STARD9: variants seen among roughly 807,000 people sequenced by gnomAD.
The protein encoded by STARD9 is stAR-related lipid transfer protein 9.
In STARD9, 346 loss-of-function variants were observed where a neutral mutation model predicts 399.8. The ratio of observed to expected loss-of-function variants is 0.87; its 90% CI spans 0.79 to 0.95. STARD9 has a LOEUF of 0.95. STARD9 is among the 40% of genes least tolerant of loss of function. STARD9 has a pLI of 0.00. For missense variants in STARD9, 5,832 were observed against 5,667.5 expected (o/e 1.03, Z -0.93); for synonymous variants, 2,203 against 2,143.5 (o/e 1.03, Z -0.77).
rs1246846750 is a variant in STARD9, at chr15:42,581,080, A to G, written c.48-2266A>G. The G allele has an allele frequency of 4.8e-6, 3 of 628,742 alleles. No homozygotes were observed. The African/African-American group carries it at 5.5e-5, about 12-fold the overall frequency. 38.9% of individuals were successfully genotyped at this position (628,742 alleles called of 1,614,324 possible). A position where few individuals can be genotyped will look rare whatever the true frequency, so the allele number is the denominator to read the frequency against. On this transcript the variant is annotated intron_variant, in intron 1 of 32. Coordinates refer to ENST00000290607, the MANE Select transcript of STARD9 (RefSeq NM_020759.3). The stretch of plus-strand genomic sequence containing the variant: ...ATCCTATTGGCCAAATCAGGTGCAC[A>G]CAGGTACCAGTGTTGCTGCTTTTCT...
At chr15:42,665,740 A>G (rs1244553564) in intron 14 of STARD9, 46 bp from the exon 15 acceptor site, 1 of 1,496,442 alleles carries the variant, frequency 6.7e-7, no homozygotes, top group African/African-American at 1.4e-5. Flanking sequence ...ACCTACCTGA[A>G]GTTCAGACCA....
At chr15:42,663,213 T>G in intron 11 of STARD9, 68 bp from the exon 12 acceptor site, 29 of 1,317,998 alleles carry the variant, frequency 2.2e-5, no homozygotes, top group Middle Eastern at 1.8e-4. Context: ...TCTCCAACCA[T>G]TGTTTTGTTT....
intron 7 of STARD9, among the ~76,000 whole-genome samples, chr15:42,642,473 C>A (rs756855130): frequency 2.6e-5 from 4 of 152,148 alleles, no homozygotes; most frequent in Non-Finnish European, 4.4e-5. Flanking sequence ...TTTACTGTGG[C>A]CTTTATTTTA....
At chr15:42,630,537 A>G (rs554058151) in intron 3 of STARD9, among the ~76,000 whole-genome samples, 61 of 152,162 alleles carry the variant, frequency 4.0e-4, no homozygotes, top group African/African-American at 1.4e-3. Context: ...ATGTTTGGTA[A>G]AATTCAGCAG....
In STARD9 at chr15:42,652,608, TG is replaced by T. The variant is rs1566905807; in HGVS notation, c.702+17del. Reference sequence around the variant, plus strand: ...CTACACGCAGGTTGGTAACTCCTTATGTTTGGTGAGATTTCTTCCTCTCCTT... The same window carrying T: ...CTACACGCAGGTTGGTAACTCCTTATTTTGGTGAGATTTCTTCCTCTCCTT... On this transcript the variant is annotated intron_variant, in intron 9 of 32. Coordinates refer to ENST00000290607, the MANE Select transcript of STARD9 (RefSeq NM_020759.3). 6.5e-7 allele frequency: 1 copy of T among 1,534,600 alleles called. No homozygotes were observed. The highest frequency in any genetic ancestry group is 1.4e-5 in the African/African-American group (1 of 72,994).
Position 42,665,815 on chromosome 15 carries a change from C to T in STARD9, c.1284C>T (p.Asn428=). The T allele has an allele frequency of 1.3e-6, 2 of 1,537,128 alleles. No individual in the cohort carries two copies. The highest frequency in any genetic ancestry group is 8.7e-7 in the Non-Finnish European group (1 of 1,146,844). The change falls in exon 15 of 33, where the codon AAC becomes AAT. Residue 428 remains asparagine (N), a synonymous_variant. Coordinates refer to ENST00000290607, the MANE Select transcript of STARD9 (RefSeq NM_020759.3). The part of the protein sequence containing the change: ...LRNFSSLSDE[N]LKELVLQNEL... The stretch of plus-strand genomic sequence containing the variant: ...ACTTCAGTTCATTGAGTGATGAAAA[C>T]CTGAAGGAGCTGGTTCTCCAAAATG...
chr15:42,635,020 C>A, intron 4 of STARD9, 48 bp downstream of exon 4: 1 of 1,067,738 alleles, frequency 9.4e-7, no homozygotes, highest in Admixed American at 2.3e-5. Flanking sequence ...CAAGCCTGAA[C>A]CTTGCATTGT....
intron 3 of STARD9, among the ~76,000 whole-genome samples, chr15:42,626,764 G>A (rs61707019): frequency 0.041 from 6,245 of 151,342 alleles, 361 homozygotes; most frequent in African/African-American, 0.14. Flanking sequence ...CACCCACCTC[G>A]GCCTCCCAAA....
chr15:42,623,753 G>C (rs1456804259), intron 3 of STARD9, among the ~76,000 whole-genome samples: 1 of 152,176 alleles, frequency 6.6e-6, no homozygotes, highest in Non-Finnish European at 1.5e-5. Context: ...GCATTGCATG[G>C]ATAAATGTAA....
intron 3 of STARD9, among the ~76,000 whole-genome samples, chr15:42,623,040 T>G (rs1188912980): frequency 6.6e-6 from 1 of 152,032 alleles, no homozygotes; most frequent in Non-Finnish European, 1.5e-5. Flanking sequence ...TCACCTGAGG[T>G]CGGGAGTTTG....
intron 28 of STARD9, 81 bp from the exon 29 acceptor site, chr15:42,717,650 C>A: frequency 8.2e-7 from 1 of 1,213,290 alleles, no homozygotes; most frequent in Non-Finnish European, 1.2e-6. Context: ...GGGAATTTAG[C>A]AGATGCAGGC....
rs538164539 is a variant in STARD9, at chr15:42,681,415, G to A, written c.1875-7G>A. On this transcript the variant is annotated splice_polypyrimidine_tract_variant and splice_region_variant and intron_variant, in intron 20 of 32. Coordinates refer to ENST00000290607, the MANE Select transcript of STARD9 (RefSeq NM_020759.3). ...CCCTTGGGTAACCTCAGCCGCTTCT[G>A]TGACAGGAGAGCGCTTGAAGAGCAA... is the stretch of plus-strand genomic sequence containing the variant. 18 of 1,534,260 alleles carry A rather than the reference G, an allele frequency of 1.2e-5. No individual in the cohort carries two copies. Among genetic ancestry groups the A allele is most frequent in the Non-Finnish European group, 1.4e-5 (16 of 1,145,762 alleles).
Position 42,690,649 on chromosome 15 carries a change from G to A in STARD9, c.9071G>A (p.Gly3024Asp). ...SRGPDVHLTH[G>D]LEPKDVNREF... The stretch of plus-strand genomic sequence containing the variant: ...GGACCTGATGTGCACTTGACACATG[G>A]CCTTGAGCCCAAAGATGTTAACAGG... The change falls in exon 23 of 33, where the codon GGC becomes GAC. Residue 3024 changes from glycine (G) to aspartate (D), a missense_variant. Physicochemically the swap from Gly to Asp is moderately conservative, Grantham distance 94. Around this residue, in one of 2 missense-constraint regions of STARD9, gnomAD observed 5,828 missense variants for 5,651.1 expected, o/e 1.03. Coordinates refer to ENST00000290607, the MANE Select transcript of STARD9 (RefSeq NM_020759.3). The A allele has an allele frequency of 6.5e-7, 1 of 1,537,222 alleles. No homozygotes were observed. The highest frequency in any genetic ancestry group is 8.7e-7 in the Non-Finnish European group (1 of 1,146,890).
intron 26 of STARD9, among the ~76,000 whole-genome samples, chr15:42,714,889 T>A (rs1444407217): frequency 6.6e-6 from 1 of 152,084 alleles, no homozygotes; most frequent in African/African-American, 2.4e-5. Flanking sequence ...GTCTCAGCAG[T>A]ACTTATTGAT....
rs895115809 is a variant in STARD9, at chr15:42,682,584, A to G, written c.2537+9A>G. The G allele has an allele frequency of 2.0e-6, 3 of 1,514,026 alleles. No individual in the cohort carries two copies. Among genetic ancestry groups the G allele is most frequent in the Admixed American group, 4.2e-5 (2 of 47,434 alleles). The allele number at this position is 1,514,026 out of a possible 1,614,324, so 93.8% of individuals were successfully genotyped here. A position where few individuals can be genotyped will look rare whatever the true frequency, so the allele number is the denominator to read the frequency against. ...ATGCCCCAGCTACACAGGTACAGCC[A>G]GTAGTTGTCACTGGGAAGCACTCGG... On this transcript the variant is annotated intron_variant, in intron 22 of 32. Transcript: ENST00000290607.
Position 42,687,462 on chromosome 15 carries a change from G to A in STARD9, c.5884G>A (p.Val1962Met). Reference protein sequence around the residue: ...VDRRVSSPVMVAQGGGPTPKW... With the variant: ...VDRRVSSPVMMAQGGGPTPKW... ...TCGTAGAGTAAGCAGCCCAGTGATG[G>A]TGGCCCAGGGTGGTGGCCCAACCCC... Residue 1962 changes from valine to methionine, a missense_variant, in exon 23 of 33, where the codon GTG becomes ATG. Physicochemically the swap from Val to Met is conservative, Grantham distance 21 (BLOSUM62 1). Coordinates refer to ENST00000290607, the MANE Select transcript of STARD9 (RefSeq NM_020759.3). The A allele has an allele frequency of 1.3e-6, 2 of 1,537,154 alleles. No homozygotes were observed. The highest frequency in any genetic ancestry group is 1.7e-6 in the Non-Finnish European group (2 of 1,146,906).
In STARD9 at chr15:42,693,914, T is replaced by C; in HGVS notation, c.12336T>C (p.Pro4112=). Residue 4112 remains proline (P), a synonymous_variant, in exon 23 of 33, where the codon CCT becomes CCC. Coordinates refer to ENST00000290607, the MANE Select transcript of STARD9 (RefSeq NM_020759.3). The part of the protein sequence containing the change: ...SALGLPQACQ[P]EELLCFSCQM... ...TGGGCCTCCCTCAGGCCTGCCAACC[T>C]GAGGAGTTACTGTGCTTCAGTTGCC... 1 of 1,516,694 alleles carries C rather than the reference T, an allele frequency of 6.6e-7. No homozygotes were observed. Among genetic ancestry groups the C allele is most frequent in the Non-Finnish European group, 8.8e-7 (1 of 1,135,756 alleles). The allele number at this position is 1,516,694 out of a possible 1,614,324, so 94.0% of individuals were successfully genotyped here.
At chr15:42,602,562 C>A (rs2058649881) in intron 3 of STARD9, among the ~76,000 whole-genome samples, 1 of 152,118 alleles carries the variant, frequency 6.6e-6, no homozygotes, top group African/African-American at 2.4e-5. Flanking sequence ...GTGCAAATAC[C>A]CTCTAGAAGT....
At chr15:42,713,918 C>G (rs904824469) in intron 26 of STARD9, among the ~76,000 whole-genome samples, 17 of 152,134 alleles carry the variant, frequency 1.1e-4, no homozygotes, top group African/African-American at 4.1e-4. Context: ...CAAGTGTTCC[C>G]TCCTGATTTT....
Sources: allele counts gnomAD v4.1 joint callset (sites outside exome capture counted in the v4.1 genomes callset), GRCh38; gene constraint gnomAD v4.1.1; regional missense constraint gnomAD v4.1.1; transcripts MANE v1.5; gene names NCBI Gene and HGNC (gene_info 2026-07-23, HGNC 2026-07-21).